The following SOBP variants were observed in gnomAD, a reference collection of about 807,000 sequenced individuals.
SOBP encodes the protein sine oculis binding protein homolog, also known as sine oculis-binding protein homolog.
A neutral mutation model predicts 53.6 loss-of-function variants in SOBP; 4 were observed. The observed-to-expected ratio is 0.07, with a 90% CI of 0.04 to 0.17. The LOEUF (loss-of-function observed/expected upper bound fraction) is 0.17. Ranked by LOEUF, SOBP falls within the 10% of genes least tolerant of loss-of-function variation. SOBP has a pLI of 1.00. For missense variants in SOBP, 1,088 were observed against 1,204.7 expected (o/e 0.90, Z 1.43); for synonymous variants, 584 against 522.6 (o/e 1.12, Z -1.60).
intron 4 of SOBP, among the ~76,000 whole-genome samples, chr6:107,555,369 A>C (rs1025891145): frequency 4.6e-5 from 7 of 152,136 alleles, no homozygotes; most frequent in Admixed American, 2.6e-4. Context: ...CCTTTATTGC[A>C]GATACTCTTC....
At chr6:107,551,630 T>C (rs1261369823) in intron 4 of SOBP, among the ~76,000 whole-genome samples, 9 of 152,224 alleles carry the variant, frequency 5.9e-5, no homozygotes, top group Non-Finnish European at 1.3e-4. Context: ...ACAGGGCATA[T>C]GTATTTAAAA....
At chr6:107,547,344 G>A (rs1323191803) in intron 4 of SOBP, among the ~76,000 whole-genome samples, 1 of 152,086 alleles carries the variant, frequency 6.6e-6, no homozygotes, top group African/African-American at 2.4e-5. Context: ...AAAAATTAAC[G>A]TTTAAATGTT....
chr6:107,505,346 A>T (rs572607040), intron 2 of SOBP, among the ~76,000 whole-genome samples: 1 of 151,788 alleles, frequency 6.6e-6, no homozygotes, highest in South Asian at 2.1e-4. Flanking sequence ...TTTCTGAGAC[A>T]GAGTCTTGCT....
At position 107,520,850 on chromosome 6, in the gene SOBP, T is replaced by C. The variant is rs111540975; in HGVS notation, c.422-12609T>C. On this transcript the variant is annotated intron_variant, in intron 3 of 6. Transcript: ENST00000317357. Reference sequence around the variant, plus strand: ...CTAGTGTTTCCCTCTAAGGCAACTTTGTTCTCAAAGGCAGTGCCCTTGGCC... The same window carrying C: ...CTAGTGTTTCCCTCTAAGGCAACTTCGTTCTCAAAGGCAGTGCCCTTGGCC... Among the ~76,000 whole-genome samples, 1,259 of 152,324 alleles carry C rather than the reference T, an allele frequency of 8.3e-3. 23 individuals are homozygous for C. Among genetic ancestry groups the C allele is most frequent in the African/African-American group, 0.026 (1,063 of 41,566 alleles).
chr6:107,557,157 C>T (rs1162801697), intron 4 of SOBP, among the ~76,000 whole-genome samples: 1 of 151,962 alleles, frequency 6.6e-6, no homozygotes, highest in African/African-American at 2.4e-5. Flanking sequence ...ATAAAATAAA[C>T]ATAATATGAC....
chr6:107,553,493 T>A, intron 4 of SOBP, among the ~76,000 whole-genome samples: 1 of 150,100 alleles, frequency 6.7e-6, no homozygotes, highest in African/African-American at 2.5e-5. Flanking sequence ...TACACCTGGC[T>A]AATTTTTTTT....
At chr6:107,631,705 C>T (rs970314701) in intron 5 of SOBP, among the ~76,000 whole-genome samples, 3 of 152,150 alleles carry the variant, frequency 2.0e-5, no homozygotes, top group Non-Finnish European at 2.9e-5. Flanking sequence ...TTAATAACTG[C>T]AACAGTTTTG....
intron 6 of SOBP, among the ~76,000 whole-genome samples, chr6:107,655,768 T>C (rs1772007082): frequency 1.3e-5 from 2 of 152,232 alleles, no homozygotes; most frequent in South Asian, 4.1e-4. Flanking sequence ...GAGTCTCTTG[T>C]GAAAGCCTGG....
chr6:107,643,010 G>A (rs1357158762), intron 6 of SOBP, among the ~76,000 whole-genome samples: 1 of 152,184 alleles, frequency 6.6e-6, no homozygotes, highest in East Asian at 1.9e-4. Context: ...GCTTAGTTCT[G>A]CAAGTGTTTC....
In SOBP at chr6:107,513,757, C is replaced by T. The variant is rs536095643; in HGVS notation, c.421+7330C>T. Among the ~76,000 whole-genome samples the T allele has an allele frequency of 1.1e-3, 160 of 150,544 alleles. 1 individual carries two copies. The highest frequency in any genetic ancestry group is 1.0e-3 in the Non-Finnish European group (69 of 67,782). Reference sequence around the variant, plus strand: ...AAAAAAAAAGAAAGAAAAAGAGGTTCACTGAACCCTCAGTTTTCCCAATCA... The same window carrying T: ...AAAAAAAAAGAAAGAAAAAGAGGTTTACTGAACCCTCAGTTTTCCCAATCA... On this transcript the variant is annotated intron_variant, in intron 3 of 6. Coordinates refer to ENST00000317357, the MANE Select transcript of SOBP (RefSeq NM_018013.4).
chr6:107,607,288 T>C (rs962568617), intron 5 of SOBP, among the ~76,000 whole-genome samples: 3 of 152,160 alleles, frequency 2.0e-5, no homozygotes, highest in African/African-American at 7.2e-5. Flanking sequence ...TGGTGACAAT[T>C]TGTTGCACAA....
At chr6:107,556,242 T>C (rs1304985331) in intron 4 of SOBP, among the ~76,000 whole-genome samples, 4 of 152,204 alleles carry the variant, frequency 2.6e-5, no homozygotes, top group Non-Finnish European at 5.9e-5. Flanking sequence ...AATGATCCCA[T>C]TCAGTGGTTT....
chr6:107,587,238 G>T, intron 5 of SOBP, 63 bp downstream of exon 5: 1 of 1,334,418 alleles, frequency 7.5e-7, no homozygotes, highest in Non-Finnish European at 1.1e-6. Context: ...AACAGTTTTT[G>T]AAAGGGTTTG....
At chr6:107,625,770 T>C (rs1365939871) in intron 5 of SOBP, among the ~76,000 whole-genome samples, 1 of 152,226 alleles carries the variant, frequency 6.6e-6, no homozygotes, top group African/African-American at 2.4e-5. Context: ...TCCTCTTACT[T>C]GATGTCTGCT....
At position 107,548,968 on chromosome 6, in the gene SOBP, A is replaced by G. The variant is rs901976360; in HGVS notation, c.573+15358A>G. ...ATAAATAAATAAATAAATAAATTGA[A>G]TTAAAAACAGATAAACCGGCCGGGC... is the stretch of plus-strand genomic sequence containing the variant. On this transcript the variant is annotated intron_variant, in intron 4 of 6. Coordinates refer to ENST00000317357, the MANE Select transcript of SOBP (RefSeq NM_018013.4). Among the ~76,000 whole-genome samples the G allele has an allele frequency of 9.2e-5, 14 of 152,012 alleles. No individual in the cohort carries two copies. In the South Asian group the frequency reaches 1.0e-3, roughly 11 times the overall value.
At chr6:107,545,308 A>G (rs1228119878) in intron 4 of SOBP, among the ~76,000 whole-genome samples, 2 of 152,204 alleles carry the variant, frequency 1.3e-5, no homozygotes, top group African/African-American at 4.8e-5. Flanking sequence ...GGGCAGACAG[A>G]AACTTTGGGT....
intron 4 of SOBP, chr6:107,557,709 A>G (rs1784654675): frequency 6.6e-6 from 1 of 152,186 alleles, no homozygotes; most frequent in Non-Finnish European, 1.5e-5. Flanking sequence ...TCTCACACCA[A>G]CACAAGGGAT....
At chr6:107,575,965 A>T (rs1785212032) in intron 4 of SOBP, among the ~76,000 whole-genome samples, 1 of 152,140 alleles carries the variant, frequency 6.6e-6, no homozygotes, top group African/African-American at 2.4e-5. Flanking sequence ...GACTCCAGAG[A>T]GTGTCGTTGG....
Position 107,567,974 on chromosome 6 carries a change from G to T in SOBP, c.574-19106G>T, listed in dbSNP as rs548060370. On this transcript the variant is annotated intron_variant, in intron 4 of 6. Coordinates refer to ENST00000317357, the MANE Select transcript of SOBP (RefSeq NM_018013.4). ...AAGGGGCAGTATTTAAACTCAGCTG[G>T]CTGGTTCCCTTGTAACCTTGTTAAA... 3.3e-5 allele frequency among the ~76,000 whole-genome samples: 5 copies of T among 152,266 alleles called. No homozygotes were observed. In the East Asian group the frequency reaches 7.7e-4, roughly 23 times the overall value.
Sources: gnomAD v4.1 joint callset for allele counts (sites outside exome capture counted in the v4.1 genomes callset) on GRCh38, gnomAD v4.1.1 for gene constraint, MANE v1.5 for transcripts, NCBI Gene and HGNC (gene_info 2026-07-23, HGNC 2026-07-21) for gene names.